The following TAF9B variants were observed in gnomAD, a reference collection of about 807,000 sequenced individuals.
The protein encoded by TAF9B is transcription initiation factor TFIID subunit 9B.
TAF9B carries 47 observed loss-of-function variants against 17.6 expected under a neutral mutation model. The ratio of observed to expected loss-of-function variants is 2.68; its 90% CI spans 2.12 to 3.41. The LOEUF (loss-of-function observed/expected upper bound fraction) is 3.41, where lower values mean the gene tolerates loss of function less well. TAF9B is among the 30% of genes most tolerant of loss of function. The probability of loss-of-function intolerance (pLI) is 0.00; values close to 1 mark genes in which losing one functional copy is unlikely to be tolerated. For synonymous variants in TAF9B, 84 were observed against 68.7 expected (o/e 1.22, Z -1.10); for missense variants, 218 against 189.3 (o/e 1.15, Z -0.89).
At chrX:78,135,670 T>C (rs1384584249) in intron 5 of TAF9B, among the ~76,000 whole-genome samples, 1 of 111,823 alleles carries the variant, frequency 8.9e-6, no homozygotes, top group East Asian at 2.8e-4. Context: ...GGTAGTGCCC[T>C]GACTCTAGAT....
chrX:78,133,365 G>T lies in TAF9B; in HGVS notation c.565C>A (p.Pro189Thr). The T allele has an allele frequency of 8.3e-7, 1 of 1,210,690 alleles. No homozygotes were observed. The highest frequency in any genetic ancestry group is 1.1e-6 in the Non-Finnish European group (1 of 894,338). The change falls in exon 6 of 7, where the codon CCT (proline) becomes ACT (threonine). Residue 189 changes from proline (P) to threonine (T), a missense_variant. Transcript: ENST00000341864. ...TSQRFTVQIP[P>T]SQSTPVKPVP... ...GGTTTGACAGGTGTGGACTGAGAAG[G>T]TGGAATCTGCACCGTAAATCTTTGG... is the stretch of plus-strand genomic sequence containing the variant.
In TAF9B at chrX:78,136,908, CACTT is replaced by C. The variant is rs2078436139; in HGVS notation, c.481+3_481+6del. ...AGCCAGAAATGCCATTGTCTCCTCT[CACTT>C]ACCTATAGTAGGAGTAGTAGGTTTG... is the stretch of plus-strand genomic sequence containing the variant. On this transcript the variant is annotated splice_donor_5th_base_variant and intron_variant, in intron 5 of 6. Transcript: ENST00000341864. 4 of 1,185,717 alleles carry C rather than the reference CACTT, an allele frequency of 3.4e-6. No individual in the cohort carries two copies. Among genetic ancestry groups the C allele is most frequent in the South Asian group, 3.6e-5 (2 of 55,172 alleles).
At chrX:78,136,264 T>C (rs890185213) in intron 5 of TAF9B, among the ~76,000 whole-genome samples, 9 of 111,892 alleles carry the variant, frequency 8.0e-5, no homozygotes, top group Admixed American at 2.8e-4. Flanking sequence ...CATTCTCCAC[T>C]AAAAGGAACT....
At position 78,133,383 on chromosome X, in the gene TAF9B, AT is replaced by A; in HGVS notation, c.546del (p.Arg182SerfsTer27). The A allele has an allele frequency of 8.3e-7, 1 of 1,211,596 alleles. No homozygotes were observed. Among genetic ancestry groups the A allele is most frequent in the Non-Finnish European group, 1.1e-6 (1 of 895,302 alleles). On this transcript the variant is annotated frameshift_variant, in exon 6 of 7. Coordinates refer to ENST00000341864, the MANE Select transcript of TAF9B (RefSeq NM_015975.5). LOFTEE classifies it high-confidence loss of function. ...VATPMSVTSQ[R>X]FTVQIPPSQS... ...TGAGAAGGTGGAATCTGCACCGTAA[AT>A]CTTTGGCTTGTCACTGACATTGGAG...
rs782007503 is a variant in TAF9B, at chrX:78,133,378, C to T, written c.552G>A (p.Thr184=). The T allele has an allele frequency of 5.4e-5, 65 of 1,209,765 alleles. No individual in the cohort carries two copies. The highest frequency in any genetic ancestry group is 6.9e-5 in the Non-Finnish European group (62 of 894,861). The stretch of plus-strand genomic sequence containing the variant: ...TGGACTGAGAAGGTGGAATCTGCAC[C>T]GTAAATCTTTGGCTTGTCACTGACA... ...TPMSVTSQRF[T]VQIPPSQSTP... is the part of the protein sequence containing the mutation. The change falls in exon 6 of 7, where the codon ACG becomes ACA. Residue 184 remains threonine, a synonymous_variant. Coordinates refer to ENST00000341864, the MANE Select transcript of TAF9B (RefSeq NM_015975.5).
chrX:78,133,765 T>A (rs916861348), intron 5 of TAF9B, among the ~76,000 whole-genome samples: 13 of 111,054 alleles, frequency 1.2e-4, no homozygotes, highest in African/African-American at 4.3e-4. Context: ...TTCTCCTCTG[T>A]AAAATGGGGG....
At chrX:78,137,609 A>C (rs2078438729) in intron 4 of TAF9B, 140 bp downstream of exon 4, 2 of 552,534 alleles carry the variant, frequency 3.6e-6, no homozygotes, top group African/African-American at 4.8e-5. Context: ...TCTAGCTCGA[A>C]AATTTTTTAA....
Position 78,138,070 on chromosome X carries a change from T to G in TAF9B, c.162A>C (p.Ala54=). The G allele has an allele frequency of 8.3e-7, 1 of 1,206,221 alleles. No homozygotes were observed. Among genetic ancestry groups the G allele is most frequent in the Non-Finnish European group, 1.1e-6 (1 of 893,824 alleles). Residue 54 remains alanine (A), a synonymous_variant, in exon 3 of 7, where the codon GCA becomes GCC. Transcript: ENST00000341864. ...TCTTAGCATGGCTCGAATAAATTTT[T>G]GCATCATCCAGAATTGTAGTCACAT... The part of the protein sequence containing the change: ...FRYVTTILDD[A]KIYSSHAKKP...
chrX:78,130,011 GTAA>G lies in TAF9B; in HGVS notation c.*1596_*1598del, dbSNP rs1557249235. On this transcript the variant is annotated 3_prime_UTR_variant, in exon 7 of 7. Coordinates refer to ENST00000341864, the MANE Select transcript of TAF9B (RefSeq NM_015975.5). ...TTGCTGCCTCCCTGAGAACATTCAA[GTAA>G]TAATATCCTATGCTATATAATGAAT... The G allele has an allele frequency of 8.9e-6, 1 of 111,950 alleles. No individual in the cohort carries two copies. The highest frequency in any genetic ancestry group is 1.9e-5 in the Non-Finnish European group (1 of 53,133). 9.2% of individuals were successfully genotyped at this position (111,950 alleles called of 1,213,427 possible). A position where few individuals can be genotyped will look rare whatever the true frequency, so the allele number is the denominator to read the frequency against.
intron 5 of TAF9B, among the ~76,000 whole-genome samples, chrX:78,135,462 A>G (rs2078430593): frequency 9.5e-6 from 1 of 105,470 alleles, no homozygotes; most frequent in African/African-American, 3.4e-5. Flanking sequence ...TGGTGTGGTG[A>G]CGCACACCTG....
intron 4 of TAF9B, 110 bp from the exon 5 acceptor site, chrX:78,137,100 T>TC (rs1400015424): frequency 1.8e-6 from 1 of 566,162 alleles, no homozygotes; most frequent in African/African-American, 2.2e-5. Context: ...GGCAAGAAAG[T>TC]CCTGTTTTTG....
intron 6 of TAF9B, among the ~76,000 whole-genome samples, chrX:78,132,830 T>C (rs782172044): frequency 9.1e-6 from 1 of 110,485 alleles, no homozygotes; most frequent in African/African-American, 3.3e-5. Context: ...GAAAATCTGA[T>C]GAACACACTG....
rs144622565 is a variant in TAF9B at position 78,130,604 on chromosome X, TAATATG to T, written c.*1000_*1005del. On this transcript the variant is annotated 3_prime_UTR_variant, in exon 7 of 7. Coordinates refer to ENST00000341864, the MANE Select transcript of TAF9B (RefSeq NM_015975.5). Reference sequence around the variant, plus strand: ...GGCTCAAGCAGCAGTGATCAAAACATAATATGTATGTGGTAAAAAGGAACACTTGTT... The same window carrying T: ...GGCTCAAGCAGCAGTGATCAAAACATTATGTGGTAAAAAGGAACACTTGTT... The T allele has an allele frequency of 6.7e-3, 756 of 112,562 alleles. 2 individuals are homozygous for T. Among genetic ancestry groups the T allele is most frequent in the Middle Eastern group, 0.014 (3 of 214 alleles). The allele number at this position is 112,562 out of a possible 1,213,427, so 9.3% of individuals were successfully genotyped here. A position where few individuals can be genotyped will look rare whatever the true frequency, so the allele number is the denominator to read the frequency against.
Position 78,138,881 on chromosome X carries a change from T to A in TAF9B, c.95A>T (p.Glu32Val). The stretch of plus-strand genomic sequence containing the variant: ...CAACATTTGATTTATAACCCTTGGT[T>A]CATACTCTGTGATTCCCATATCCTT... ...ILKDMGITEY[E>V]PRVINQMLEF... Residue 32 changes from glutamate to valine, a missense_variant, in exon 2 of 7, where the codon GAA becomes GTA. Coordinates refer to ENST00000341864, the MANE Select transcript of TAF9B (RefSeq NM_015975.5). 1.7e-6 allele frequency: 2 copies of A among 1,209,641 alleles called. No homozygotes were observed. The highest frequency in any genetic ancestry group is 2.2e-6 in the Non-Finnish European group (2 of 893,485).
intron 6 of TAF9B, 49 bp from the exon 7 acceptor site, chrX:78,131,822 A>G: frequency 9.1e-7 from 1 of 1,102,691 alleles, no homozygotes; most frequent in Non-Finnish European, 1.2e-6. Context: ...TGAATTACCC[A>G]GAATCTGAAA....
Position 78,138,917 on chromosome X carries a change from G to A in TAF9B, c.59C>T (p.Ala20Val). The A allele has an allele frequency of 8.4e-7, 1 of 1,193,929 alleles. No homozygotes were observed. The highest frequency in any genetic ancestry group is 3.0e-5 in the East Asian group (1 of 33,699). Residue 20 changes from alanine (A) to valine (V), a missense_variant, in exon 2 of 7, where the codon GCA (alanine) becomes GTA (valine). Ala to Val is a moderately conservative substitution (Grantham distance 64, BLOSUM62 0). Transcript: ENST00000341864. Reference protein sequence around the residue: ...KNAPRDALVMAQILKDMGITE... With the variant: ...KNAPRDALVMVQILKDMGITE... ...GATTCCCATATCCTTCAGGATCTGT[G>A]CCATCACCTGTGGATTCAAATAAAA...
Position 78,131,469 on chromosome X carries a change from C to T in TAF9B, c.*141G>A. The T allele has an allele frequency of 2.1e-6, 1 of 474,328 alleles. No individual in the cohort carries two copies. Among genetic ancestry groups the T allele is most frequent in the South Asian group, 4.6e-5 (1 of 21,898 alleles). The allele number at this position is 474,328 out of a possible 1,213,427, so 39.1% of individuals were successfully genotyped here. On this transcript the variant is annotated 3_prime_UTR_variant, in exon 7 of 7. Transcript: ENST00000341864. ...ACATTTGTATGTTTACTAAAGAGAT[C>T]TAACAGTTTTAACTGACGAAAAATA...
chrX:78,131,921 T>A, intron 6 of TAF9B, 148 bp from the exon 7 acceptor site: 1 of 453,913 alleles, frequency 2.2e-6, no homozygotes, highest in Non-Finnish European at 3.6e-6. Context: ...AGAAGAAACA[T>A]AGGTACTTAT....
chrX:78,129,917 C>G lies in TAF9B; in HGVS notation c.*1693G>C, dbSNP rs1210065165. On this transcript the variant is annotated 3_prime_UTR_variant, in exon 7 of 7. Transcript: ENST00000341864. Reference sequence around the variant, plus strand: ...CCTACTGCTAGTGAGGAGAACAAGGCTAAGAGGTGAAGTAAGGTCACACAG... The same window carrying G: ...CCTACTGCTAGTGAGGAGAACAAGGGTAAGAGGTGAAGTAAGGTCACACAG... The G allele has an allele frequency of 8.9e-6, 1 of 112,127 alleles. No homozygotes were observed. The highest frequency in any genetic ancestry group is 2.8e-4 in the East Asian group (1 of 3,604). The allele number at this position is 112,127 out of a possible 1,213,427, so 9.2% of individuals were successfully genotyped here.
Sources: allele counts gnomAD v4.1 joint callset (sites outside exome capture counted in the v4.1 genomes callset), GRCh38; gene constraint gnomAD v4.1.1; transcripts MANE v1.5; gene names NCBI Gene and HGNC (gene_info 2026-07-23, HGNC 2026-07-21).